The following TEAD4 variants were observed in gnomAD, a reference collection of about 807,000 sequenced individuals.
The protein encoded by TEAD4 is transcriptional enhancer factor TEF-3.
TEAD4 carries 36 observed loss-of-function variants against 52.4 expected under a neutral mutation model. That is an observed-to-expected ratio of 0.69 (90% confidence interval 0.53 to 0.91). TEAD4 has a LOEUF of 0.91. TEAD4 is among the 40% of genes least tolerant of loss of function. The pLI is 0.00. For missense variants in TEAD4, 508 were observed against 583.9 expected (o/e 0.87, Z 1.34); for synonymous variants, 220 against 231.0 (o/e 0.95, Z 0.43).
At chr12:2,992,254 G>A (rs544040931) in intron 2 of TEAD4, among the ~76,000 whole-genome samples, 1 of 152,004 alleles carries the variant, frequency 6.6e-6, no homozygotes, top group African/African-American at 2.4e-5. Flanking sequence ...CCTGACCTCA[G>A]GGGATCCACC....
At chr12:2,966,510 A>G (rs1448708786) in intron 2 of TEAD4, among the ~76,000 whole-genome samples, 4 of 151,082 alleles carry the variant, frequency 2.6e-5, no homozygotes, top group African/African-American at 9.8e-5. Flanking sequence ...TCCTGGGTTC[A>G]AGCAATTCTC....
Position 2,994,649 on chromosome 12 carries a change from C to A in TEAD4, c.-29-89C>A. The A allele has an allele frequency of 7.0e-7, 1 of 1,436,882 alleles. No individual in the cohort carries two copies. The highest frequency in any genetic ancestry group is 2.8e-5 in the Admixed American group (1 of 35,580). 89.0% of individuals were successfully genotyped at this position (1,436,882 alleles called of 1,614,324 possible). A position where few individuals can be genotyped will look rare whatever the true frequency, so the allele number is the denominator to read the frequency against. On this transcript the variant is annotated intron_variant, in intron 2 of 12. Transcript: ENST00000359864. The surrounding 1 kb of genome is among the most constrained non-coding windows in gnomAD (Gnocchi z 4.7). The stretch of plus-strand genomic sequence containing the variant: ...CGCTTTGCTTCCTGAGCAACTGATT[C>A]GGGCTCTGGCACTCCCCGGAGTGCC...
In TEAD4 at chr12:2,983,703, AT is replaced by A. The variant is rs1159229759; in HGVS notation, c.-29-11032del. On this transcript the variant is annotated intron_variant, in intron 2 of 12. Coordinates refer to ENST00000359864, the MANE Select transcript of TEAD4 (RefSeq NM_003213.4). ...TTTTCTGGTATGCCAAAATCCAGAC[AT>A]TTCCTGAGGTTTCTTTTGTTTCCCA... Among the ~76,000 whole-genome samples, 12 of 152,318 alleles carry A rather than the reference AT, an allele frequency of 7.9e-5. No individual in the cohort carries two copies. The East Asian group carries it at 2.3e-3, about 29-fold the overall frequency.
intron 3 of TEAD4, among the ~76,000 whole-genome samples, chr12:2,997,265 T>C (rs1246894699): frequency 6.6e-6 from 1 of 152,222 alleles, no homozygotes; most frequent in Non-Finnish European, 1.5e-5. Flanking sequence ...ACTGGGAAAC[T>C]AACCCCTGAA....
In TEAD4 at chr12:3,040,192, A is replaced by T. The variant is rs769507018; in HGVS notation, c.1124A>T (p.His375Leu). The change falls in exon 12 of 13, where the codon CAC (histidine) becomes CTC (leucine). Residue 375 changes from histidine (H) to leucine (L), a missense_variant. Physicochemically the swap from His to Leu is moderately conservative, Grantham distance 99. Coordinates refer to ENST00000359864, the MANE Select transcript of TEAD4 (RefSeq NM_003213.4). ...TGTGAGTACATGATCAACTTCATCC[A>T]CAAGCTCAAGCACCTCCCTGAGAAG... is the stretch of plus-strand genomic sequence containing the variant. The T allele has an allele frequency of 6.2e-7, 1 of 1,614,190 alleles. No homozygotes were observed. Among genetic ancestry groups the T allele is most frequent in the South Asian group, 1.1e-5 (1 of 91,072 alleles).
At chr12:2,967,220 GGT>G (rs140479657) in intron 2 of TEAD4, among the ~76,000 whole-genome samples, 99,050 of 151,900 alleles carry the variant, frequency 0.65, 38,108 homozygotes, top group Non-Finnish European at 0.86. Context: ...CTATAATTCG[GGT>G]GGGCTGGTAT....
chr12:3,035,823 C>CAA (rs760133553), intron 10 of TEAD4, among the ~76,000 whole-genome samples: 3,903 of 120,746 alleles, frequency 0.032, 110 homozygotes, highest in Non-Finnish European at 0.038. Flanking sequence ...CTGTCTTTAA[C>CAA]AAAAAAAAAA....
At chr12:3,012,869 A>T (rs2098261466) in intron 5 of TEAD4, among the ~76,000 whole-genome samples, 1 of 152,170 alleles carries the variant, frequency 6.6e-6, no homozygotes, top group Admixed American at 6.5e-5. Context: ...TCCATCAGGG[A>T]GGTGATGACG....
chr12:3,010,930 G>T, intron 3 of TEAD4, 74 bp from the exon 4 acceptor site: 1 of 1,553,138 alleles, frequency 6.4e-7, no homozygotes, highest in South Asian at 1.1e-5. Context: ...CTCCGCAGAA[G>T]GTACCCCGCA....
At chr12:2,974,761 T>C (rs1258466018) in intron 2 of TEAD4, among the ~76,000 whole-genome samples, 2 of 152,080 alleles carry the variant, frequency 1.3e-5, no homozygotes, top group African/African-American at 4.8e-5. Flanking sequence ...CCCGTGCTGC[T>C]TGGACACCTG....
intron 2 of TEAD4, among the ~76,000 whole-genome samples, chr12:2,973,990 G>C (rs1326083012): frequency 1.3e-5 from 2 of 152,100 alleles, no homozygotes; most frequent in South Asian, 2.1e-4. Context: ...CTGAGTGAAG[G>C]CTTCCAGCTA....
intron 8 of TEAD4, 109 bp from the exon 9 acceptor site, chr12:3,020,525 C>T (rs2098267921): frequency 1.5e-6 from 2 of 1,303,836 alleles, no homozygotes; most frequent in South Asian, 4.2e-5. Flanking sequence ...GACAGGCGGT[C>T]CCCCCAGGCA....
intron 10 of TEAD4, among the ~76,000 whole-genome samples, chr12:3,032,336 AG>A (rs1219752040): frequency 6.6e-6 from 1 of 152,064 alleles, no homozygotes; most frequent in Admixed American, 6.5e-5. Context: ...GTACGGACCC[AG>A]CGCGGCCCTC....
intron 11 of TEAD4, 28 bp downstream of exon 11, chr12:3,038,136 C>T: frequency 1.2e-6 from 2 of 1,602,144 alleles, no homozygotes; most frequent in Non-Finnish European, 1.7e-6. Context: ...CGGGTGAGGG[C>T]CGGTGGCAGT....
chr12:3,013,844 C>T (rs974210677), intron 5 of TEAD4, among the ~76,000 whole-genome samples: 2 of 152,170 alleles, frequency 1.3e-5, no homozygotes, highest in African/African-American at 4.8e-5. Flanking sequence ...TGTGACTGGC[C>T]ACTTCAGCCT....
At chr12:2,998,912 C>G (rs752170923) in intron 3 of TEAD4, among the ~76,000 whole-genome samples, 21 of 152,176 alleles carry the variant, frequency 1.4e-4, no homozygotes, top group Non-Finnish European at 2.8e-4. Flanking sequence ...GCCCAGCCCC[C>G]ACAGCACCTG....
At chr12:2,972,693 G>T (rs369611884) in intron 2 of TEAD4, among the ~76,000 whole-genome samples, 1 of 151,786 alleles carries the variant, frequency 6.6e-6, no homozygotes, top group East Asian at 1.9e-4. Context: ...TAGAGACAGG[G>T]TTTCTCCATG....
chr12:2,992,141 C>T (rs1248711791), intron 2 of TEAD4, among the ~76,000 whole-genome samples: 1 of 151,690 alleles, frequency 6.6e-6, no homozygotes, highest in Non-Finnish European at 1.5e-5. Flanking sequence ...GCCTCAGCCT[C>T]CTGAGTAGCT....
At chr12:2,992,778 G>A (rs2093529389) in intron 2 of TEAD4, among the ~76,000 whole-genome samples, 1 of 152,102 alleles carries the variant, frequency 6.6e-6, no homozygotes, top group African/African-American at 2.4e-5. Flanking sequence ...AGGGCTGTGG[G>A]AGGTACGTGG....
Sources: gnomAD v4.1 joint callset for allele counts (sites outside exome capture counted in the v4.1 genomes callset) on GRCh38, gnomAD v4.1.1 for gene constraint, Gnocchi (gnomAD v3.1) non-coding constraint, MANE v1.5 for transcripts, NCBI Gene and HGNC (gene_info 2026-07-23, HGNC 2026-07-21) for gene names.